Variants in CELSR1 observed in about 807,000 individuals in gnomAD.
CELSR1 encodes the protein cadherin EGF LAG seven-pass G-type receptor 1.
CELSR1 carries 110 observed loss-of-function variants against 249.1 expected under a neutral mutation model. The ratio of observed to expected loss-of-function variants is 0.44; its 90% CI spans 0.38 to 0.52. The LOEUF is 0.52. Among genes scored for constraint, CELSR1 ranks in the 20% least tolerant of loss-of-function variants. The probability of loss-of-function intolerance (pLI) is 0.00; values close to 1 mark genes in which losing one functional copy is unlikely to be tolerated. For synonymous variants in CELSR1, 2,113 were observed against 1,900.0 expected (o/e 1.11, Z -2.92); for missense variants, 4,109 against 4,296.4 (o/e 0.96, Z 1.22).
At chr22:46,386,653 G>T in intron 18 of CELSR1, 68 bp from the exon 19 acceptor site, 2 of 1,344,132 alleles carry the variant, frequency 1.5e-6, no homozygotes, top group Non-Finnish European at 9.9e-7. Context: ...AGGGACACCT[G>T]CCCTGAAAGC....
Position 46,384,569 on chromosome 22 carries a change from T to C in CELSR1, c.6857A>G (p.Asp2286Gly), listed in dbSNP as rs748446305. The C allele has an allele frequency of 3.0e-5, 48 of 1,612,142 alleles. No individual in the cohort carries two copies. The highest frequency in any genetic ancestry group is 3.6e-5 in the Non-Finnish European group (42 of 1,179,272). ...TTTTTCTTCAGGTGGTCTGAAGAAG[T>C]CGGCTGGGAAGGAGACGGAGGACTC... is the stretch of plus-strand genomic sequence containing the variant. ...ELESSVSFPADFFRPPEEKEG... is the reference protein window; with the variant it reads ...ELESSVSFPAGFFRPPEEKEG... The change falls in exon 20 of 35, where the codon GAC becomes GGC. Residue 2286 changes from aspartate to glycine, a missense_variant. Physicochemically the swap from Asp to Gly is moderately conservative, Grantham distance 94. Around this residue, in one of 7 missense-constraint regions of CELSR1, gnomAD observed 1,805 missense variants for 1,831.6 expected, o/e 0.99. Transcript: ENST00000674500.
chr22:46,386,251 T>A, intron 19 of CELSR1, 151 bp downstream of exon 19: 1 of 860,360 alleles, frequency 1.2e-6, no homozygotes, highest in Non-Finnish European at 1.7e-6. Flanking sequence ...ATTACAGGTA[T>A]GAGCCACTGT....
chr22:46,403,018 G>A (rs958212353), intron 9 of CELSR1, among the ~76,000 whole-genome samples: 3 of 152,092 alleles, frequency 2.0e-5, no homozygotes, highest in Admixed American at 6.5e-5. Context: ...ATGAGACAAA[G>A]TAGACTTAAG....
chr22:46,442,003 C>G (rs567435551), intron 2 of CELSR1, among the ~76,000 whole-genome samples: 1 of 152,182 alleles, frequency 6.6e-6, no homozygotes, highest in African/African-American at 2.4e-5. Context: ...ACAAAATTAG[C>G]TGGGTGTGGT....
chr22:46,376,219 T>C (rs982043029), intron 24 of CELSR1, among the ~76,000 whole-genome samples: 6 of 152,248 alleles, frequency 3.9e-5, no homozygotes, highest in Non-Finnish European at 8.8e-5. Context: ...ATAATATTTT[T>C]CCCTTAAATG....
At chr22:46,497,162 C>T (rs780830172) in intron 1 of CELSR1, among the ~76,000 whole-genome samples, 13 of 152,208 alleles carry the variant, frequency 8.5e-5, no homozygotes, top group Non-Finnish European at 1.9e-4. Flanking sequence ...ATCCTATATG[C>T]AGCCCGTCCT....
intron 1 of CELSR1, among the ~76,000 whole-genome samples, chr22:46,477,252 A>G (rs1291009897): frequency 6.6e-6 from 1 of 152,162 alleles, no homozygotes; most frequent in Non-Finnish European, 1.5e-5. Context: ...TCATGGGAGA[A>G]GCCCACACAG....
In CELSR1 at chr22:46,441,956, C is replaced by T. The variant is rs988419788; in HGVS notation, c.4184-2545G>A. ...CAGAGGTCGAGAGTTCAAGACCAGCCTAACCAACATGGTGAAACCTCATCT... is the reference window on the plus strand; with the variant it reads ...CAGAGGTCGAGAGTTCAAGACCAGCTTAACCAACATGGTGAAACCTCATCT... On this transcript the variant is annotated intron_variant, in intron 2 of 34. Transcript: ENST00000674500. The surrounding 1 kb of genome is among the most constrained non-coding windows in gnomAD (Gnocchi z 6.1). Among the ~76,000 whole-genome samples the T allele has an allele frequency of 5.9e-5, 9 of 152,112 alleles. No individual in the cohort carries two copies. The highest frequency in any genetic ancestry group is 1.9e-4 in the African/African-American group (8 of 41,414).
chr22:46,520,383 T>C (rs17589429), intron 1 of CELSR1, among the ~76,000 whole-genome samples: 28,722 of 151,758 alleles, frequency 0.19, 2,987 homozygotes, highest in Admixed American at 0.21. Context: ...CACACCTGAG[T>C]GTCTGCAACA....
Position 46,372,876 on chromosome 22 carries a change from T to A in CELSR1, c.7759+7A>T. 1 of 1,601,418 alleles carries A rather than the reference T, an allele frequency of 6.2e-7. No individual in the cohort carries two copies. Among genetic ancestry groups the A allele is most frequent in the South Asian group, 1.1e-5 (1 of 89,556 alleles). On this transcript the variant is annotated splice_region_variant and intron_variant, in intron 25 of 34. Transcript: ENST00000674500. ...GTTTTATGCAGGGCCACTCTGTGCA[T>A]CCTCACCTGTGACAATGGCCGGGAT...
rs188680952 is a variant in CELSR1, at chr22:46,399,667, T to C, written c.5412+50A>G. 3.0e-3 allele frequency: 4,791 copies of C among 1,583,740 alleles called. 14 individuals carry two copies. The highest frequency in any genetic ancestry group is 3.3e-3 in the Non-Finnish European group (3,841 of 1,154,274). ...GTCAAGGGGTCATTCTGTTTTTCCCTGGGCCGGAGGAAGGGTCTATCCCCA... is the reference window on the plus strand; with the variant it reads ...GTCAAGGGGTCATTCTGTTTTTCCCCGGGCCGGAGGAAGGGTCTATCCCCA... On this transcript the variant is annotated intron_variant, in intron 10 of 34. Transcript: ENST00000674500. This position sits in a 1 kb window ranked among gnomAD's most constrained non-coding sequence, Gnocchi z 5.0.
Position 46,535,539 on chromosome 22 carries a change from G to A in CELSR1, c.1632C>T (p.Leu544=), listed in dbSNP as rs1237953231. The part of the protein sequence containing the change: ...IKAQDGGRPP[L]INSSGVVSVQ... ...CAGACACCACCCCTGAAGAATTGATGAGCGGGGGCCGGCCCCCATCCTGGG... is the reference window on the plus strand; with the variant it reads ...CAGACACCACCCCTGAAGAATTGATAAGCGGGGGCCGGCCCCCATCCTGGG... The change falls in exon 1 of 35, where the codon CTC becomes CTT. Residue 544 remains leucine, a synonymous_variant. Transcript: ENST00000674500. 4.3e-6 allele frequency: 7 copies of A among 1,613,164 alleles called. No homozygotes were observed. In the African/African-American group the frequency reaches 5.3e-5, roughly 12 times the overall value.
chr22:46,421,492 C>T (rs1042314077), intron 5 of CELSR1, among the ~76,000 whole-genome samples: 1 of 152,172 alleles, frequency 6.6e-6, no homozygotes, highest in African/African-American at 2.4e-5. Flanking sequence ...ACCACGTTTC[C>T]ATAGCAGGTG....
rs377492242 is a variant in CELSR1 at position 46,386,761 on chromosome 22, G to GT, written c.6556-177dup. ...TTTTTTGTTTTTTGTTGTTTTTTGT[G>GT]TTTTTTTTTGAGACACACTTCCGCT... On this transcript the variant is annotated intron_variant, in intron 18 of 34. Transcript: ENST00000674500. 1.0e-3 allele frequency among the ~76,000 whole-genome samples: 156 copies of GT among 150,822 alleles called. 1 individual carries two copies. Among genetic ancestry groups the GT allele is most frequent in the South Asian group, 3.2e-3 (15 of 4,756 alleles).
chr22:46,386,705 C>T lies in CELSR1; in HGVS notation c.6556-120G>A, dbSNP rs547117350. 5 of 746,844 alleles carry T rather than the reference C, an allele frequency of 6.7e-6. No homozygotes were observed. The South Asian group carries it at 1.1e-4, about 16-fold the overall frequency. 46.3% of individuals were successfully genotyped at this position (746,844 alleles called of 1,614,324 possible). A position where few individuals can be genotyped will look rare whatever the true frequency, so the allele number is the denominator to read the frequency against. ...GGCTCATTCATTCATTCCAGCCCTA[C>T]ACTTTAGACTGTGCTCTTTAATATT... On this transcript the variant is annotated intron_variant, in intron 18 of 34. Transcript: ENST00000674500.
chr22:46,469,534 G>C (rs6008849), intron 1 of CELSR1, among the ~76,000 whole-genome samples: 58,900 of 151,806 alleles, frequency 0.39, 12,108 homozygotes, highest in South Asian at 0.53. Flanking sequence ...TGTTTGTTTT[G>C]AGATGGAGTC....
chr22:46,459,142 C>T (rs1455375093), intron 2 of CELSR1, among the ~76,000 whole-genome samples: 1 of 152,166 alleles, frequency 6.6e-6, no homozygotes. Context: ...CGTGCCTCGG[C>T]CTCCCAAAGT....
rs538111897 is a variant in CELSR1 at position 46,468,891 on chromosome 22, A to G, written c.3545-4546T>C. Reference sequence around the variant, plus strand: ...GGAGTTCGAGACCAGCATGGCCAACATGGTGAAACCCTGTCTCTACTAAAA... The same window carrying G: ...GGAGTTCGAGACCAGCATGGCCAACGTGGTGAAACCCTGTCTCTACTAAAA... On this transcript the variant is annotated intron_variant, in intron 1 of 34. Transcript: ENST00000674500. The surrounding 1 kb of genome is among the most constrained non-coding windows in gnomAD (Gnocchi z 4.5). 3.8e-4 allele frequency among the ~76,000 whole-genome samples: 58 copies of G among 152,260 alleles called. No homozygotes were observed. Among genetic ancestry groups the G allele is most frequent in the African/African-American group, 1.3e-3 (52 of 41,554 alleles).
At chr22:46,439,721 C>T (rs369201557) in intron 2 of CELSR1, among the ~76,000 whole-genome samples, 1 of 152,140 alleles carries the variant, frequency 6.6e-6, no homozygotes. Context: ...CAGCCTCCAA[C>T]CCCGTTCTGA....
Sources: gnomAD v4.1 joint callset for allele counts (sites outside exome capture counted in the v4.1 genomes callset) on GRCh38, gnomAD v4.1.1 for gene constraint, gnomAD v4.1.1 regional missense constraint, Gnocchi (gnomAD v3.1) non-coding constraint, MANE v1.5 for transcripts, NCBI Gene and HGNC (gene_info 2026-07-23, HGNC 2026-07-21) for gene names.